The following LRP1B variants were observed in gnomAD, a reference collection of about 807,000 sequenced individuals.
The protein encoded by LRP1B is LDL receptor related protein 1B, also known as low-density lipoprotein receptor-related protein 1B.
Under a neutral mutation model 556.6 loss-of-function variants are expected in LRP1B, and 217 were observed. The observed-to-expected ratio is 0.39, with a 90% CI of 0.35 to 0.44. The LOEUF is 0.44. LRP1B is among the 20% of genes least tolerant of loss of function. LRP1B has a pLI of 1.00. For missense variants in LRP1B, 5,053 were observed against 5,620.8 expected, an observed-to-expected ratio of 0.90 and a Z score of 3.23; for synonymous variants, 2,047 against 1,865.8, an observed-to-expected ratio of 1.10 and a Z score of -2.50.
At chr2:141,168,004 T>C (rs1680340677) in intron 7 of LRP1B, among the ~76,000 whole-genome samples, 1 of 152,036 alleles carries the variant, frequency 6.6e-6, no homozygotes, top group South Asian at 2.1e-4. Flanking sequence ...AAAATGAAGA[T>C]GTATCTATTA....
intron 3 of LRP1B, among the ~76,000 whole-genome samples, chr2:141,446,702 G>A (rs934448680): frequency 3.9e-5 from 6 of 152,282 alleles, no homozygotes; most frequent in Admixed American, 3.3e-4. Flanking sequence ...ATTCTGGGTT[G>A]AAAATTCTTT....
chr2:141,157,990 A>G (rs1232126299), intron 7 of LRP1B, among the ~76,000 whole-genome samples: 4 of 152,154 alleles, frequency 2.6e-5, no homozygotes, highest in African/African-American at 9.7e-5. Context: ...ACCAGTTGTC[A>G]TAACTAATCA....
In LRP1B at chr2:140,687,507, T is replaced by C. The variant is rs1253451121; in HGVS notation, c.6799+12743A>G. ...TAATTATGTCCCTCTTAAAGTTATG[T>C]AATTAAAACTCAACTAAGAAAAAAA... On this transcript the variant is annotated intron_variant, in intron 41 of 90. Coordinates refer to ENST00000389484, the MANE Select transcript of LRP1B (RefSeq NM_018557.3). Among the ~76,000 whole-genome samples, 5 of 152,086 alleles carry C rather than the reference T, an allele frequency of 3.3e-5. No homozygotes were observed. In the East Asian group the frequency reaches 5.8e-4, roughly 18 times the overall value.
chr2:141,635,055 C>CACACAT (rs1689063036), intron 2 of LRP1B, among the ~76,000 whole-genome samples: 1 of 151,548 alleles, frequency 6.6e-6, no homozygotes, highest in Non-Finnish European at 1.5e-5. Context: ...GAAACACACA[C>CACACAT]ACACACACAC....
At chr2:142,061,415 T>A (rs1042288491) in intron 1 of LRP1B, among the ~76,000 whole-genome samples, 8 of 152,006 alleles carry the variant, frequency 5.3e-5, no homozygotes, top group African/African-American at 1.7e-4. Flanking sequence ...GAATTTATTA[T>A]AACTGCAGTG....
chr2:141,859,708 T>A (rs905156970), intron 1 of LRP1B, among the ~76,000 whole-genome samples: 2 of 152,216 alleles, frequency 1.3e-5, no homozygotes, highest in Non-Finnish European at 2.9e-5. Context: ...ATAATTACTA[T>A]GATTTGATCA....
At chr2:140,482,005 T>G (rs1688266573) in intron 59 of LRP1B, among the ~76,000 whole-genome samples, 1 of 152,156 alleles carries the variant, frequency 6.6e-6, no homozygotes. Context: ...ACCATTCTTG[T>G]TCAGGAAGCT....
In LRP1B at chr2:141,096,621, GGAGAGGGGGAGAGAGAGA is replaced by G. The variant is rs1161481677; in HGVS notation, c.1014-34366_1014-34349del. On this transcript the variant is annotated intron_variant, in intron 7 of 90. Coordinates refer to ENST00000389484, the MANE Select transcript of LRP1B (RefSeq NM_018557.3). ...ACCCTAGCCTGAATGACAAAGACGG[GGAGAGGGGGAGAGAGAGA>G]GAGAGAGAGAGAGAGAGAGAGAGAG... 1.5e-3 allele frequency among the ~76,000 whole-genome samples: 59 copies of G among 39,926 alleles called. 1 individual carries two copies. Among genetic ancestry groups the G allele is most frequent in the African/African-American group, 2.2e-3 (23 of 10,664 alleles). 26.2% of individuals were successfully genotyped at this position (39,926 alleles called of 152,430 possible).
At chr2:141,846,943 G>A (rs1243689352) in intron 1 of LRP1B, among the ~76,000 whole-genome samples, 3 of 151,402 alleles carry the variant, frequency 2.0e-5, no homozygotes, top group African/African-American at 7.3e-5. Context: ...GATGATTGAT[G>A]AACATCAATG....
At chr2:140,638,819 A>G (rs1221600108) in intron 41 of LRP1B, among the ~76,000 whole-genome samples, 4 of 150,896 alleles carry the variant, frequency 2.7e-5, no homozygotes, top group Admixed American at 2.6e-4. Context: ...ACATGTATAT[A>G]TACAAAATTA....
intron 3 of LRP1B, among the ~76,000 whole-genome samples, chr2:141,304,903 A>G (rs2105437307): frequency 6.6e-6 from 1 of 152,280 alleles, no homozygotes; most frequent in African/African-American, 2.4e-5. Context: ...GTCAAAAATC[A>G]GTTAGCTGTA....
chr2:141,435,284 G>T (rs1680721579), intron 3 of LRP1B, among the ~76,000 whole-genome samples: 1 of 152,134 alleles, frequency 6.6e-6, no homozygotes, highest in Non-Finnish European at 1.5e-5. Context: ...CTTTGAAAAT[G>T]CTGTCAAATC....
intron 55 of LRP1B, among the ~76,000 whole-genome samples, chr2:140,499,236 T>C (rs908823341): frequency 6.6e-6 from 1 of 151,940 alleles, no homozygotes; most frequent in African/African-American, 2.4e-5. Context: ...GGTATGGCTG[T>C]GTGCTAATAC....
chr2:141,418,980 G>T (rs7605838), intron 3 of LRP1B, among the ~76,000 whole-genome samples: 14,858 of 151,704 alleles, frequency 0.098, 2,378 homozygotes, highest in African/African-American at 0.33. Context: ...ATTATAAATG[G>T]GATTCTTTTC....
chr2:141,561,501 T>C (rs1174196289), intron 2 of LRP1B, among the ~76,000 whole-genome samples: 2 of 151,880 alleles, frequency 1.3e-5, no homozygotes, highest in Admixed American at 6.6e-5. Context: ...ACATCCTGTC[T>C]CTGTGAATAT....
At chr2:140,921,025 T>G (rs1694722697) in intron 21 of LRP1B, among the ~76,000 whole-genome samples, 1 of 152,100 alleles carries the variant, frequency 6.6e-6, no homozygotes. Flanking sequence ...CATTGCAAAA[T>G]ATCAATACAC....
At position 141,575,567 on chromosome 2, in the gene LRP1B, A is replaced by C. The variant is rs1686707758; in HGVS notation, c.206-95034T>G. Reference sequence around the variant, plus strand: ...CAAAGACTTCATGACAAAAATGCCAAAAGCAATTGCAACAAAAGCCAAAAT... The same window carrying C: ...CAAAGACTTCATGACAAAAATGCCACAAGCAATTGCAACAAAAGCCAAAAT... On this transcript the variant is annotated intron_variant, in intron 2 of 90. Transcript: ENST00000389484. Among the ~76,000 whole-genome samples the C allele has an allele frequency of 2.0e-5, 3 of 152,366 alleles. No homozygotes were observed. In the South Asian group the frequency reaches 6.2e-4, roughly 32 times the overall value.
intron 1 of LRP1B, among the ~76,000 whole-genome samples, chr2:141,965,711 C>A (rs1183007833): frequency 1.6e-5 from 2 of 124,836 alleles, no homozygotes; most frequent in African/African-American, 3.1e-5. Flanking sequence ...CTAACCTGCA[C>A]AATGTGCACA....
At chr2:141,529,981 C>T (rs1418123017) in intron 2 of LRP1B, among the ~76,000 whole-genome samples, 1 of 152,114 alleles carries the variant, frequency 6.6e-6, no homozygotes, top group Non-Finnish European at 1.5e-5. Context: ...TAATGATATA[C>T]AGCAAGGACA....
Sources: gnomAD v4.1 joint callset for allele counts (sites outside exome capture counted in the v4.1 genomes callset) on GRCh38, gnomAD v4.1.1 for gene constraint, MANE v1.5 for transcripts, NCBI Gene and HGNC (gene_info 2026-07-23, HGNC 2026-07-21) for gene names.